KCNIP4: variants seen among roughly 807,000 people sequenced by gnomAD.
KCNIP4 encodes Kv channel-interacting protein 4.
Under a neutral mutation model 34.0 loss-of-function variants are expected in KCNIP4, and 12 were observed. The observed-to-expected ratio is 0.35, with a 90% CI of 0.23 to 0.57. The LOEUF (loss-of-function observed/expected upper bound fraction) is 0.57, where lower values mean the gene tolerates loss of function less well. KCNIP4 is among the 20% of genes least tolerant of loss of function. The probability of loss-of-function intolerance (pLI) is 0.83; values close to 1 mark genes in which losing one functional copy is unlikely to be tolerated. For synonymous variants in KCNIP4, 124 were observed against 102.2 expected, an observed-to-expected ratio of 1.21 and a Z score of -1.29; for missense variants, 238 against 311.7, an observed-to-expected ratio of 0.76 and a Z score of 1.78.
chr4:21,092,478 T>C (rs1244381268), intron 1 of KCNIP4, among the ~76,000 whole-genome samples: 1 of 152,206 alleles, frequency 6.6e-6, no homozygotes, highest in African/African-American at 2.4e-5. Flanking sequence ...TTATATCTGT[T>C]CTGTTTTGCA....
intron 1 of KCNIP4, among the ~76,000 whole-genome samples, chr4:21,815,909 G>T (rs1473288584): frequency 6.6e-6 from 1 of 152,080 alleles, no homozygotes; most frequent in East Asian, 1.9e-4. Context: ...AACTAATTGG[G>T]TTTTTCCATA....
At chr4:21,091,777 AG>A (rs1284146107) in intron 1 of KCNIP4, among the ~76,000 whole-genome samples, 1 of 152,120 alleles carries the variant, frequency 6.6e-6, no homozygotes, top group Non-Finnish European at 1.5e-5. Flanking sequence ...AACTCTGTGG[AG>A]TTCCTTTTAT....
intron 1 of KCNIP4, 127 bp from the exon 2 acceptor site, chr4:20,882,836 C>A: frequency 1.6e-6 from 1 of 619,988 alleles, no homozygotes. Flanking sequence ...CAATCACAGG[C>A]AGTGGGTTGG....
chr4:20,975,258 A>G (rs1335702717), intron 1 of KCNIP4, among the ~76,000 whole-genome samples: 3 of 152,224 alleles, frequency 2.0e-5, no homozygotes, highest in African/African-American at 4.8e-5. Flanking sequence ...CATTGAATGT[A>G]TGTGTCCTAG....
chr4:21,343,821 G>A (rs1310161498), intron 1 of KCNIP4, among the ~76,000 whole-genome samples: 2 of 152,016 alleles, frequency 1.3e-5, no homozygotes, highest in Non-Finnish European at 2.9e-5. Flanking sequence ...AATGCTCAGA[G>A]CCCTTCCTAT....
At chr4:20,740,355 A>G (rs1270506266) in intron 5 of KCNIP4, among the ~76,000 whole-genome samples, 1 of 152,194 alleles carries the variant, frequency 6.6e-6, no homozygotes, top group Non-Finnish European at 1.5e-5. Context: ...CACAAAGGGA[A>G]GCCCATCAGA....
intron 1 of KCNIP4, among the ~76,000 whole-genome samples, chr4:21,822,374 A>C (rs1035443301): frequency 1.5e-4 from 23 of 152,164 alleles, no homozygotes; most frequent in Admixed American, 1.1e-3. Context: ...GGATTTTATT[A>C]GGACAAATCC....
chr4:21,719,705 G>A (rs1002880226), intron 1 of KCNIP4, among the ~76,000 whole-genome samples: 1 of 152,076 alleles, frequency 6.6e-6, no homozygotes, highest in Non-Finnish European at 1.5e-5. Context: ...GCTCAAGCCT[G>A]TAATCCCAGC....
At chr4:21,692,008 C>CT (rs1288746431) in intron 1 of KCNIP4, among the ~76,000 whole-genome samples, 1 of 150,676 alleles carries the variant, frequency 6.6e-6, no homozygotes, top group Non-Finnish European at 1.5e-5. Flanking sequence ...AAATGCAACT[C>CT]TTTCTATGAA....
chr4:21,184,022 G>T (rs575108862), intron 1 of KCNIP4, among the ~76,000 whole-genome samples: 1 of 152,020 alleles, frequency 6.6e-6, no homozygotes, highest in African/African-American at 2.4e-5. Context: ...CTTGTATATT[G>T]CTGCTTGTTT....
At chr4:21,826,552 A>G (rs531096511) in intron 1 of KCNIP4, among the ~76,000 whole-genome samples, 26 of 152,268 alleles carry the variant, frequency 1.7e-4, no homozygotes, top group African/African-American at 6.0e-4. Context: ...GATAAAAGCT[A>G]TAAGACTTAA....
At position 21,877,752 on chromosome 4, in the gene KCNIP4, C is replaced by A. The variant is rs78760300; in HGVS notation, c.61+70819G>T. Among the ~76,000 whole-genome samples the A allele has an allele frequency of 8.8e-3, 1,343 of 152,282 alleles. 15 individuals are homozygous for A. The highest frequency in any genetic ancestry group is 0.035 in the South Asian group (171 of 4,824). On this transcript the variant is annotated intron_variant, in intron 1 of 8. Coordinates refer to ENST00000382152, the MANE Select transcript of KCNIP4 (RefSeq NM_025221.6). Reference sequence around the variant, plus strand: ...GCAGATGCCTCTATTCTTCCTGGACCACCAGGTGTTCTCTAGTCCTGCTTC... The same window carrying A: ...GCAGATGCCTCTATTCTTCCTGGACAACCAGGTGTTCTCTAGTCCTGCTTC...
intron 1 of KCNIP4, among the ~76,000 whole-genome samples, chr4:21,141,706 T>C (rs1751964900): frequency 6.6e-6 from 1 of 152,178 alleles, no homozygotes; most frequent in Non-Finnish European, 1.5e-5. Flanking sequence ...ACTTTAATTC[T>C]GTGAAAATAT....
intron 1 of KCNIP4, among the ~76,000 whole-genome samples, chr4:21,182,465 C>T (rs1165058831): frequency 1.4e-5 from 2 of 148,000 alleles, no homozygotes; most frequent in Non-Finnish European, 3.0e-5. Flanking sequence ...TTTTCCTTTC[C>T]TTTCCTTCTA....
chr4:21,419,877 A>G (rs1411495178), intron 1 of KCNIP4, among the ~76,000 whole-genome samples: 1 of 152,340 alleles, frequency 6.6e-6, no homozygotes, highest in East Asian at 1.9e-4. Context: ...GACAGCTGTT[A>G]GATTTGGGCA....
chr4:20,864,353 A>G (rs947949471), intron 2 of KCNIP4, among the ~76,000 whole-genome samples: 2 of 151,102 alleles, frequency 1.3e-5, no homozygotes, highest in African/African-American at 2.4e-5. Flanking sequence ...TGTATGTATA[A>G]CATGTATATA....
At chr4:21,826,933 C>A (rs1722711499) in intron 1 of KCNIP4, among the ~76,000 whole-genome samples, 1 of 151,972 alleles carries the variant, frequency 6.6e-6, no homozygotes, top group Admixed American at 6.6e-5. Context: ...TTTTCTGAGG[C>A]TGTTTCCACA....
At chr4:21,834,358 T>TG (rs1723185989) in intron 1 of KCNIP4, among the ~76,000 whole-genome samples, 1 of 152,192 alleles carries the variant, frequency 6.6e-6, no homozygotes, top group African/African-American at 2.4e-5. Flanking sequence ...GAAGCAATTG[T>TG]GAATGGGAGT....
At position 21,455,900 on chromosome 4, in the gene KCNIP4, G is replaced by A. The variant is rs900199314; in HGVS notation, c.61+492671C>T. ...GTATGCTTAACAGTTAGGATTTTCC[G>A]TATTAGGCTCAGAGAGAATTGGCTA... On this transcript the variant is annotated intron_variant, in intron 1 of 8. Transcript: ENST00000382152. 1.8e-4 allele frequency among the ~76,000 whole-genome samples: 25 copies of A among 136,094 alleles called. 1 individual carries two copies. The highest frequency in any genetic ancestry group is 4.8e-4 in the African/African-American group (16 of 33,602). 89.3% of individuals were successfully genotyped at this position (136,094 alleles called of 152,430 possible). A position where few individuals can be genotyped will look rare whatever the true frequency, so the allele number is the denominator to read the frequency against.
Sources: allele counts gnomAD v4.1 joint callset (sites outside exome capture counted in the v4.1 genomes callset), GRCh38; gene constraint gnomAD v4.1.1; transcripts MANE v1.5; gene names NCBI Gene and HGNC (gene_info 2026-07-23, HGNC 2026-07-21).